Variants in KRTAP26-1 observed in about 807,000 individuals in gnomAD.
The protein encoded by KRTAP26-1 is keratin associated protein 26-1.
For synonymous variants in KRTAP26-1, 111 were observed against 103.3 expected, an observed-to-expected ratio of 1.07 and a Z score of -0.45; for missense variants, 273 against 260.9, an observed-to-expected ratio of 1.05 and a Z score of -0.32.
Position 30,319,609 on chromosome 21 carries a change from A to G in KRTAP26-1, c.427T>C (p.Tyr143His). Residue 143 changes from tyrosine to histidine, a missense_variant, in exon 1 of 1, where the codon TAT becomes CAT. Tyr to His is a moderately conservative substitution (Grantham distance 83). Transcript: ENST00000360542. ...QPIGDCVPNAYRPQFCLSKSC... is the reference protein window; with the variant it reads ...QPIGDCVPNAHRPQFCLSKSC... ...TTGGACAAGCAGAATTGGGGGCGAT[A>G]GGCATTGGGCACACAGTCTCCTATG... 1.2e-6 allele frequency: 2 copies of G among 1,613,862 alleles called. No individual in the cohort carries two copies. The highest frequency in any genetic ancestry group is 1.7e-6 in the Non-Finnish European group (2 of 1,179,958).
chr21:30,319,443 T>C lies in KRTAP26-1; in HGVS notation c.593A>G (p.His198Arg). Reference protein sequence around the residue: ...PLFSGCQPLTHVFSTCRPSCS... With the variant: ...PLFSGCQPLTRVFSTCRPSCS... ...AGATGGACGACACGTGCTGAACACA[T>C]GGGTCAGAGGTTGGCAACCACTGAA... is the stretch of plus-strand genomic sequence containing the variant. The change falls in exon 1 of 1, where the codon CAT becomes CGT. Residue 198 changes from histidine (H) to arginine (R), a missense_variant. Physicochemically the swap from His to Arg is conservative, Grantham distance 29. Coordinates refer to ENST00000360542, the MANE Select transcript of KRTAP26-1 (RefSeq NM_203405.2). 8 of 1,612,946 alleles carry C rather than the reference T, an allele frequency of 5.0e-6. No homozygotes were observed. The highest frequency in any genetic ancestry group is 4.2e-6 in the Non-Finnish European group (5 of 1,179,338).
rs775716250 is a variant in KRTAP26-1, at chr21:30,319,671, C to T, written c.365G>A (p.Cys122Tyr). 3.1e-6 allele frequency: 5 copies of T among 1,613,832 alleles called. No individual in the cohort carries two copies. The East Asian group carries it at 6.7e-5, about 22-fold the overall frequency. The change falls in exon 1 of 1, where the codon TGT (cysteine) becomes TAT (tyrosine). Residue 122 changes from cysteine to tyrosine, a missense_variant. Cys to Tyr is a radical substitution (Grantham distance 194). Transcript: ENST00000360542. ...ATTGAGCAGCGGCCTCAGTGGACGA[C>T]AGCCGCTGGACACATACCTCTGTGG... ...CRPQRYVSSGCRPLRPLLNSY... is the reference protein window; with the variant it reads ...CRPQRYVSSGYRPLRPLLNSY...
Position 30,319,764 on chromosome 21 carries a change from G to T in KRTAP26-1, c.272C>A (p.Pro91His). The stretch of plus-strand genomic sequence containing the variant: ...AGGAAGAAAACTGCTTCCTTGGCAA[G>T]GCCTGGGCACGTAGTAAGCAGTGGA... ...GSSTAYYVPR[P>H]CQGSSFLPAS... Residue 91 changes from proline (P) to histidine (H), a missense_variant, in exon 1 of 1, where the codon CCT becomes CAT. Physicochemically the swap from Pro to His is moderately conservative, Grantham distance 77 (BLOSUM62 -2). Transcript: ENST00000360542. The T allele has an allele frequency of 6.2e-7, 1 of 1,614,042 alleles. No individual in the cohort carries two copies. Among genetic ancestry groups the T allele is most frequent in the Non-Finnish European group, 8.5e-7 (1 of 1,179,974 alleles).
Position 30,320,100 on chromosome 21 carries a change from C to T in KRTAP26-1, c.-65G>A. 8 of 1,327,012 alleles carry T rather than the reference C, an allele frequency of 6.0e-6. No individual in the cohort carries two copies. Among genetic ancestry groups the T allele is most frequent in the Non-Finnish European group, 8.1e-6 (8 of 982,214 alleles). 82.2% of individuals were successfully genotyped at this position (1,327,012 alleles called of 1,614,324 possible). A position where few individuals can be genotyped will look rare whatever the true frequency, so the allele number is the denominator to read the frequency against. On this transcript the variant is annotated 5_prime_UTR_variant, in exon 1 of 1. Coordinates refer to ENST00000360542, the MANE Select transcript of KRTAP26-1 (RefSeq NM_203405.2). ...GTGAGTGTCTGAAGTTTGTTCTGCC[C>T]TTCCTTAGCTTGACCCTTTATTTAT...
At position 30,319,618 on chromosome 21, in the gene KRTAP26-1, G is replaced by A; in HGVS notation, c.418C>T (p.Pro140Ser). 1 of 1,613,904 alleles carries A rather than the reference G, an allele frequency of 6.2e-7. No individual in the cohort carries two copies. The part of the protein sequence containing the change: ...NSYQPIGDCV[P>S]NAYRPQFCLS... ...CAGAATTGGGGGCGATAGGCATTGG[G>A]CACACAGTCTCCTATGGGCTGGTAA... The change falls in exon 1 of 1, where the codon CCC becomes TCC. Residue 140 changes from proline (P) to serine (S), a missense_variant. By Grantham distance (74) the Pro-to-Ser change is moderately conservative. Transcript: ENST00000360542.
Position 30,319,878 on chromosome 21 carries a change from G to A in KRTAP26-1, c.158C>T (p.Thr53Ile). ...ACCGCAGGTCTCTTGGCAGTTGTCT[G>A]TGACCCAGGTATGGTCTTGAGAGCT... Reference protein sequence around the residue: ...PTSSQDHTWVTDNCQETCGEP... With the variant: ...PTSSQDHTWVIDNCQETCGEP... The change falls in exon 1 of 1, where the codon ACA becomes ATA. Residue 53 changes from threonine to isoleucine, a missense_variant. Transcript: ENST00000360542. The A allele has an allele frequency of 6.2e-7, 1 of 1,614,178 alleles. No individual in the cohort carries two copies. The highest frequency in any genetic ancestry group is 8.5e-7 in the Non-Finnish European group (1 of 1,180,022).
chr21:30,320,127 C>T lies in KRTAP26-1; in HGVS notation c.-92G>A. The T allele has an allele frequency of 9.3e-7, 1 of 1,075,322 alleles. No homozygotes were observed. Among genetic ancestry groups the T allele is most frequent in the East Asian group, 2.6e-5 (1 of 38,326 alleles). 66.6% of individuals were successfully genotyped at this position (1,075,322 alleles called of 1,614,324 possible). ...TCCTTAGCTTGACCCTTTATTTATCCCTAGAAGGTGGTGCTTCTGCGTGCA... is the reference window on the plus strand; with the variant it reads ...TCCTTAGCTTGACCCTTTATTTATCTCTAGAAGGTGGTGCTTCTGCGTGCA... On this transcript the variant is annotated 5_prime_UTR_variant, in exon 1 of 1. Coordinates refer to ENST00000360542, the MANE Select transcript of KRTAP26-1 (RefSeq NM_203405.2).
In KRTAP26-1 at chr21:30,319,352, TG is replaced by T; in HGVS notation, c.*50del. The stretch of plus-strand genomic sequence containing the variant: ...CAAAAGTCCATGGAGTTTGAATTTT[TG>T]TTGTGGATGCTCAGAGTGATTATTC... On this transcript the variant is annotated 3_prime_UTR_variant, in exon 1 of 1. Transcript: ENST00000360542. 6.7e-7 allele frequency: 1 copy of T among 1,482,910 alleles called. No individual in the cohort carries two copies. The highest frequency in any genetic ancestry group is 9.0e-7 in the Non-Finnish European group (1 of 1,112,340). The allele number at this position is 1,482,910 out of a possible 1,614,324, so 91.9% of individuals were successfully genotyped here. A position where few individuals can be genotyped will look rare whatever the true frequency, so the allele number is the denominator to read the frequency against.
Position 30,319,342 on chromosome 21 carries a change from T to G in KRTAP26-1, c.*61A>C. On this transcript the variant is annotated 3_prime_UTR_variant, in exon 1 of 1. Coordinates refer to ENST00000360542, the MANE Select transcript of KRTAP26-1 (RefSeq NM_203405.2). ...AGCAAAGAAGCAAAAGTCCATGGAG[T>G]TTGAATTTTTGTTGTGGATGCTCAG... The G allele has an allele frequency of 6.8e-7, 1 of 1,461,062 alleles. No homozygotes were observed. Among genetic ancestry groups the G allele is most frequent in the Non-Finnish European group, 9.1e-7 (1 of 1,097,328 alleles). 90.5% of individuals were successfully genotyped at this position (1,461,062 alleles called of 1,614,324 possible).
rs1981612171 is a variant in KRTAP26-1, at chr21:30,319,257, C to T, written c.*146G>A. ...AAAGATGAAAACAAGATAAAACATGCGAGAGAAGCAGCTTGCATTAGATCA... is the reference window on the plus strand; with the variant it reads ...AAAGATGAAAACAAGATAAAACATGTGAGAGAAGCAGCTTGCATTAGATCA... On this transcript the variant is annotated 3_prime_UTR_variant, in exon 1 of 1. Coordinates refer to ENST00000360542, the MANE Select transcript of KRTAP26-1 (RefSeq NM_203405.2). The T allele has an allele frequency of 8.2e-6, 6 of 727,938 alleles. No homozygotes were observed. Among genetic ancestry groups the T allele is most frequent in the Admixed American group, 6.0e-5 (2 of 33,604 alleles). 45.1% of individuals were successfully genotyped at this position (727,938 alleles called of 1,614,324 possible). A position where few individuals can be genotyped will look rare whatever the true frequency, so the allele number is the denominator to read the frequency against.
chr21:30,319,755 C>T lies in KRTAP26-1; in HGVS notation c.281G>A (p.Gly94Glu). ...GAAAGAAGCAGGAAGAAAACTGCTT[C>T]CTTGGCAAGGCCTGGGCACGTAGTA... ...TAYYVPRPCQ[G>E]SSFLPASFFS... Residue 94 changes from glycine to glutamate, a missense_variant, in exon 1 of 1, where the codon GGA becomes GAA. Gly to Glu is a moderately conservative substitution (Grantham distance 98). Transcript: ENST00000360542. 1 of 1,613,986 alleles carries T rather than the reference C, an allele frequency of 6.2e-7. No individual in the cohort carries two copies. Among genetic ancestry groups the T allele is most frequent in the Non-Finnish European group, 8.5e-7 (1 of 1,179,958 alleles).
rs142191601 is a variant in KRTAP26-1 at position 30,319,512 on chromosome 21, C to G, written c.524G>C (p.Ser175Thr). 2 of 1,613,918 alleles carry G rather than the reference C, an allele frequency of 1.2e-6. No homozygotes were observed. Among genetic ancestry groups the G allele is most frequent in the South Asian group, 1.1e-5 (1 of 91,060 alleles). ...GAGGCTGCTGGACACAACGTGAAGA[C>G]TTTGAGGACGATAGGCCAAGCAACT... ...PSSCLAYRPQ[S>T]LHVVSSSLRP... is the part of the protein sequence containing the mutation. The change falls in exon 1 of 1, where the codon AGT becomes ACT. Residue 175 changes from serine to threonine, a missense_variant. Ser to Thr is a moderately conservative substitution (Grantham distance 58). Coordinates refer to ENST00000360542, the MANE Select transcript of KRTAP26-1 (RefSeq NM_203405.2).
At position 30,320,305 on chromosome 21, in the gene KRTAP26-1, T is replaced by A. The variant is rs1420152605; in HGVS notation, c.-270A>T. Reference sequence around the variant, plus strand: ...CCAATGCGACTGAGTTTTAATAGGATCTATCCTTCTTAAATTATCCAAACA... The same window carrying A: ...CCAATGCGACTGAGTTTTAATAGGAACTATCCTTCTTAAATTATCCAAACA... On this transcript the variant is annotated 5_prime_UTR_variant, in exon 1 of 1. Coordinates refer to ENST00000360542, the MANE Select transcript of KRTAP26-1 (RefSeq NM_203405.2). 6.5e-6 allele frequency: 2 copies of A among 308,808 alleles called. No individual in the cohort carries two copies. The highest frequency in any genetic ancestry group is 1.3e-5 in the Non-Finnish European group (2 of 158,048). 19.1% of individuals were successfully genotyped at this position (308,808 alleles called of 1,614,324 possible).
In KRTAP26-1 at chr21:30,319,598, T is replaced by C. The variant is rs111602560; in HGVS notation, c.438A>G (p.Gln146=). The C allele has an allele frequency of 2.9e-5, 47 of 1,613,502 alleles. No individual in the cohort carries two copies. In the African/African-American group the frequency reaches 4.7e-4, roughly 16 times the overall value. Residue 146 remains glutamine, a synonymous_variant, in exon 1 of 1, where the codon CAA becomes CAG. Transcript: ENST00000360542. ...GCTGGCAACTCTTGGACAAGCAGAA[T>C]TGGGGGCGATAGGCATTGGGCACAC... The part of the protein sequence containing the change: ...GDCVPNAYRP[Q]FCLSKSCQPQ...
chr21:30,319,815 C>T lies in KRTAP26-1; in HGVS notation c.221G>A (p.Gly74Asp), dbSNP rs1319901827. 6.2e-7 allele frequency: 1 copy of T among 1,613,362 alleles called. No homozygotes were observed. Among genetic ancestry groups the T allele is most frequent in the Admixed American group, 1.7e-5 (1 of 59,930 alleles). ...TSCQPVHCETGNLETSCGSST... is the reference protein window; with the variant it reads ...TSCQPVHCETDNLETSCGSST... Reference sequence around the variant, plus strand: ...AGAACCGCAAGAGGTTTCAAGATTGCCGGTCTCACAGTGGACCGGCTGGCA... The same window carrying T: ...AGAACCGCAAGAGGTTTCAAGATTGTCGGTCTCACAGTGGACCGGCTGGCA... The change falls in exon 1 of 1, where the codon GGC becomes GAC. Residue 74 changes from glycine to aspartate, a missense_variant. Physicochemically the swap from Gly to Asp is moderately conservative, Grantham distance 94. Coordinates refer to ENST00000360542, the MANE Select transcript of KRTAP26-1 (RefSeq NM_203405.2).
Position 30,319,769 on chromosome 21 carries a change from G to C in KRTAP26-1, c.267C>G (p.Pro89=). Residue 89 remains proline, a synonymous_variant, in exon 1 of 1, where the codon CCC becomes CCG. Coordinates refer to ENST00000360542, the MANE Select transcript of KRTAP26-1 (RefSeq NM_203405.2). ...GAAAACTGCTTCCTTGGCAAGGCCTGGGCACGTAGTAAGCAGTGGAAGAAC... is the reference window on the plus strand; with the variant it reads ...GAAAACTGCTTCCTTGGCAAGGCCTCGGCACGTAGTAAGCAGTGGAAGAAC... ...SCGSSTAYYV[P]RPCQGSSFLP... 6.2e-7 allele frequency: 1 copy of C among 1,613,950 alleles called. No individual in the cohort carries two copies. The highest frequency in any genetic ancestry group is 1.1e-5 in the South Asian group (1 of 91,046).
chr21:30,320,193 T>C lies in KRTAP26-1; in HGVS notation c.-158A>G. 2 of 582,232 alleles carry C rather than the reference T, an allele frequency of 3.4e-6. No individual in the cohort carries two copies. Among genetic ancestry groups the C allele is most frequent in the Non-Finnish European group, 6.0e-6 (2 of 333,170 alleles). 36.1% of individuals were successfully genotyped at this position (582,232 alleles called of 1,614,324 possible). A position where few individuals can be genotyped will look rare whatever the true frequency, so the allele number is the denominator to read the frequency against. ...TGTATGAAGATGCATCAGAACTCTT[T>C]ATTATAGCCAAGGAAGTGAGGCTTC... On this transcript the variant is annotated 5_prime_UTR_variant, in exon 1 of 1. It adds an upstream start codon to the 5' untranslated region. Transcript: ENST00000360542.
the KRTAP26-1 span, chr21:30,319,882 CCCAGG>C: frequency 1.2e-6 from 2 of 1,614,084 alleles, no homozygotes; most frequent in Non-Finnish European, 1.7e-6. Flanking sequence ...TTGTCTGTGA[CCCAGG>C]TATGGTCTTG....
At position 30,319,245 on chromosome 21, in the gene KRTAP26-1, A is replaced by T; in HGVS notation, c.*158T>A. ...TTGATGTCAAGGAAAGATGAAAACA[A>T]GATAAAACATGCGAGAGAAGCAGCT... On this transcript the variant is annotated 3_prime_UTR_variant, in exon 1 of 1. Transcript: ENST00000360542. The T allele has an allele frequency of 1.5e-6, 1 of 660,978 alleles. No individual in the cohort carries two copies. The highest frequency in any genetic ancestry group is 2.4e-6 in the Non-Finnish European group (1 of 413,286). 40.9% of individuals were successfully genotyped at this position (660,978 alleles called of 1,614,324 possible).
Sources: allele counts gnomAD v4.1 joint callset, GRCh38; gene constraint gnomAD v4.1.1; transcripts MANE v1.5; gene names NCBI Gene and HGNC (gene_info 2026-07-23, HGNC 2026-07-21).